TNFSF8: variants seen among roughly 807,000 people sequenced by gnomAD.
TNFSF8 encodes the protein TNF superfamily member 8.
TNFSF8 carries 4 observed loss-of-function variants against 22.0 expected under a neutral mutation model. That is an observed-to-expected ratio of 0.18 (90% CI 0.09 to 0.42). TNFSF8 has a LOEUF of 0.42. TNFSF8 is among the 10% of genes least tolerant of loss of function. The pLI, the probability that TNFSF8 is intolerant of heterozygous loss-of-function variation, is 1.00. For synonymous variants in TNFSF8, 106 were observed against 112.5 expected, an observed-to-expected ratio of 0.94 and a Z score of 0.37; for missense variants, 233 against 281.8, an observed-to-expected ratio of 0.83 and a Z score of 1.24.
Position 114,915,337 on chromosome 9 carries a change from G to A in TNFSF8, c.238+2759C>T, listed in dbSNP as rs150335404. On this transcript the variant is annotated intron_variant, in intron 2 of 3. Coordinates refer to ENST00000223795, the MANE Select transcript of TNFSF8 (RefSeq NM_001244.4). ...GTCAAAGCTGGAGAGACTCCTCCAG[G>A]GCATTTAGTACATTGCTGTTATATT... 3.0e-3 allele frequency among the ~76,000 whole-genome samples: 457 copies of A among 152,148 alleles called. 3 individuals carry two copies. The highest frequency in any genetic ancestry group is 5.0e-3 in the Non-Finnish European group (342 of 67,998).
At chr9:114,907,305 C>T (rs1322055) in intron 2 of TNFSF8, among the ~76,000 whole-genome samples, 135,503 of 152,208 alleles carry the variant, frequency 0.89, 60,544 homozygotes, top group African/African-American at 0.96. Flanking sequence ...CAGCTGTCAT[C>T]CCCTTGGTTT....
At chr9:114,923,478 T>TTTTCTTTC (rs71375260) in intron 1 of TNFSF8, among the ~76,000 whole-genome samples, 13,045 of 104,912 alleles carry the variant, frequency 0.12, 1,453 homozygotes, top group Middle Eastern at 0.23. Context: ...TTTTCTTTCT[T>TTTTCTTTC]TTTCTTTCTT....
At chr9:114,898,436 C>G (rs1362436477), downstream of TNFSF8, among the ~76,000 whole-genome samples, 1 of 152,086 alleles carries the variant, frequency 6.6e-6, no homozygotes, top group Non-Finnish European at 1.5e-5. Context: ...CTATTGCTGT[C>G]TGGAGATGGG....
chr9:114,925,236 G>C (rs1007921402), intron 1 of TNFSF8, among the ~76,000 whole-genome samples: 2 of 152,198 alleles, frequency 1.3e-5, no homozygotes, highest in African/African-American at 4.8e-5. Context: ...ATACCGTCCA[G>C]TGGTGGTGGG....
intron 1 of TNFSF8, among the ~76,000 whole-genome samples, chr9:114,920,690 A>T: frequency 6.6e-6 from 1 of 151,988 alleles, no homozygotes; most frequent in Non-Finnish European, 1.5e-5. Context: ...TCTTTTTGAG[A>T]TGGAGCCTCA....
intron 2 of TNFSF8, among the ~76,000 whole-genome samples, chr9:114,911,346 T>A (rs1827849739): frequency 6.6e-6 from 1 of 152,230 alleles, no homozygotes; most frequent in Non-Finnish European, 1.5e-5. Flanking sequence ...CCCTGGCTTC[T>A]TCATTCCAGG....
chr9:114,904,009 A>T lies in TNFSF8; in HGVS notation c.627T>A (p.Asp209Glu). 2 of 1,614,152 alleles carry T rather than the reference A, an allele frequency of 1.2e-6. No individual in the cohort carries two copies. Among genetic ancestry groups the T allele is most frequent in the Non-Finnish European group, 8.5e-7 (1 of 1,179,980 alleles). The change falls in exon 4 of 4, where the codon GAT becomes GAA. Residue 209 changes from aspartate (D) to glutamate (E), a missense_variant. Asp to Glu is a conservative substitution (Grantham distance 45, BLOSUM62 2). Transcript: ENST00000223795. The stretch of plus-strand genomic sequence containing the variant: ...TGCTTGTATCTATGTACTGGAATGT[A>T]TCCACATTGACTGATATGGTGGTGT... ...QVNTTISVNV[D>E]TFQYIDTSTF... is the part of the protein sequence containing the mutation.
At chr9:114,897,235 A>G (rs1169266691), downstream of TNFSF8, among the ~76,000 whole-genome samples, 1 of 151,910 alleles carries the variant, frequency 6.6e-6, no homozygotes, top group East Asian at 1.9e-4. Context: ...GAGGCTTTCA[A>G]TGAACATTTC....
At position 114,903,523 on chromosome 9, in the gene TNFSF8, A is replaced by G. The variant is rs1342242500; in HGVS notation, c.*408T>C. The G allele has an allele frequency of 1.1e-5, 2 of 182,644 alleles. No individual in the cohort carries two copies. Among genetic ancestry groups the G allele is most frequent in the Admixed American group, 1.2e-4 (2 of 16,622 alleles). 11.3% of individuals were successfully genotyped at this position (182,644 alleles called of 1,614,324 possible). A position where few individuals can be genotyped will look rare whatever the true frequency, so the allele number is the denominator to read the frequency against. On this transcript the variant is annotated 3_prime_UTR_variant, in exon 4 of 4. Coordinates refer to ENST00000223795, the MANE Select transcript of TNFSF8 (RefSeq NM_001244.4). ...GTATCCCGTGAAGGGCACAGTGTAAACACTCACACCCAGCTCCCCTTCATT... is the reference window on the plus strand; with the variant it reads ...GTATCCCGTGAAGGGCACAGTGTAAGCACTCACACCCAGCTCCCCTTCATT...
chr9:114,925,490 G>A (rs763209603), intron 1 of TNFSF8, among the ~76,000 whole-genome samples: 2 of 152,062 alleles, frequency 1.3e-5, no homozygotes, highest in Admixed American at 1.3e-4. Flanking sequence ...CCATTCAGAC[G>A]TGTCTGCCAT....
intron 2 of TNFSF8, 91 bp downstream of exon 2, chr9:114,918,005 G>A: frequency 7.6e-7 from 1 of 1,318,536 alleles, no homozygotes; most frequent in Admixed American, 2.2e-5. Flanking sequence ...TCATGTCATA[G>A]AGTTGTTTCT....
intron 1 of TNFSF8, among the ~76,000 whole-genome samples, chr9:114,921,833 C>T (rs1827991441): frequency 6.6e-6 from 1 of 152,200 alleles, no homozygotes; most frequent in African/African-American, 2.4e-5. Context: ...AACTTTGTCT[C>T]CGTGGTTATC....
intron 2 of TNFSF8, among the ~76,000 whole-genome samples, chr9:114,909,680 G>T (rs893870425): frequency 3.9e-5 from 6 of 152,182 alleles, no homozygotes; most frequent in Non-Finnish European, 8.8e-5. Flanking sequence ...GGGGTGGGAA[G>T]GTTTGGGATG....
chr9:114,913,987 T>A (rs1827884251), intron 2 of TNFSF8, among the ~76,000 whole-genome samples: 1 of 152,106 alleles, frequency 6.6e-6, no homozygotes, highest in African/African-American at 2.4e-5. Context: ...GTGGGGTGAT[T>A]TGTTATAAAA....
At chr9:114,897,625 T>A (rs1827670090), downstream of TNFSF8, among the ~76,000 whole-genome samples, 1 of 152,196 alleles carries the variant, frequency 6.6e-6, no homozygotes, top group Non-Finnish European at 1.5e-5. Flanking sequence ...AGAACAATGA[T>A]AGGAGTTAAT....
chr9:114,926,454 A>T (rs1245104265), intron 1 of TNFSF8, among the ~76,000 whole-genome samples: 2 of 152,160 alleles, frequency 1.3e-5, no homozygotes, highest in Non-Finnish European at 1.5e-5. Flanking sequence ...GAAAATGCAC[A>T]TTCCATTCCT....
chr9:114,925,091 G>A (rs900390780), intron 1 of TNFSF8, among the ~76,000 whole-genome samples: 14 of 152,172 alleles, frequency 9.2e-5, no homozygotes, highest in African/African-American at 3.4e-4. Flanking sequence ...TGTAGAGTCA[G>A]CAAACAAGAT....
At chr9:114,898,463 A>G (rs1234080903), downstream of TNFSF8, among the ~76,000 whole-genome samples, 1 of 152,160 alleles carries the variant, frequency 6.6e-6, no homozygotes, top group African/African-American at 2.4e-5. Context: ...AAGGAGTAAG[A>G]CTGGAGGCAG....
At chr9:114,924,531 C>T (rs1418176339) in intron 1 of TNFSF8, among the ~76,000 whole-genome samples, 1 of 152,216 alleles carries the variant, frequency 6.6e-6, no homozygotes. Flanking sequence ...CTCCAGCTTA[C>T]TTTCATATCC....
Sources: allele counts gnomAD v4.1 joint callset (sites outside exome capture counted in the v4.1 genomes callset), GRCh38; gene constraint gnomAD v4.1.1; transcripts MANE v1.5; gene names NCBI Gene and HGNC (gene_info 2026-07-23, HGNC 2026-07-21).